Variants in TCF12 observed in about 807,000 individuals in gnomAD.
TCF12 encodes the protein DNA-binding protein HTF4.
A neutral mutation model predicts 86.0 loss-of-function variants in TCF12; 45 were observed. The ratio of observed to expected loss-of-function variants is 0.52; its 90% CI spans 0.41 to 0.67. The LOEUF is 0.67. Ranked by LOEUF, TCF12 falls within the 30% of genes least tolerant of loss-of-function variation. TCF12 has a pLI of 0.00. For missense variants in TCF12, 881 were observed against 859.9 expected (o/e 1.02, Z -0.31); for synonymous variants, 330 against 299.6 (o/e 1.10, Z -1.05).
At chr15:57,264,191 T>C (rs2060725434) in intron 18 of TCF12, among the ~76,000 whole-genome samples, 1 of 130,106 alleles carries the variant, frequency 7.7e-6, no homozygotes, top group African/African-American at 2.9e-5. Context: ...AGTTCTTTTG[T>C]AAGCTTTTTT....
Position 57,249,127 on chromosome 15 carries a change from C to A in TCF12, c.1115-2223C>A, listed in dbSNP as rs183988509. Reference sequence around the variant, plus strand: ...CAAAATCGATTATGATTAACCTGGTCACCTAAAATTCATAATTCTGCATCA... The same window carrying A: ...CAAAATCGATTATGATTAACCTGGTAACCTAAAATTCATAATTCTGCATCA... On this transcript the variant is annotated intron_variant, in intron 13 of 20. Coordinates refer to ENST00000333725, the MANE Select transcript of TCF12 (RefSeq NM_207037.2). Among the ~76,000 whole-genome samples, 179 of 152,254 alleles carry A rather than the reference C, an allele frequency of 1.2e-3. 1 individual carries two copies. Among genetic ancestry groups the A allele is most frequent in the African/African-American group, 4.1e-3 (169 of 41,558 alleles).
intron 3 of TCF12, among the ~76,000 whole-genome samples, chr15:57,049,380 C>A (rs556307376): frequency 2.0e-5 from 3 of 152,282 alleles, no homozygotes; most frequent in African/African-American, 7.2e-5. Flanking sequence ...TCCAGTCAAC[C>A]CTTACCTACT....
chr15:57,058,959 C>A (rs1447396297), intron 3 of TCF12, among the ~76,000 whole-genome samples: 1 of 152,122 alleles, frequency 6.6e-6, no homozygotes, highest in African/African-American at 2.4e-5. Flanking sequence ...AATATCCTTA[C>A]TCTACAAATA....
intron 3 of TCF12, among the ~76,000 whole-genome samples, chr15:57,001,759 G>A (rs1359572821): frequency 1.3e-5 from 2 of 152,092 alleles, no homozygotes; most frequent in Non-Finnish European, 2.9e-5. Context: ...CACATCAATA[G>A]GACATATTTT....
At chr15:57,066,755 AAACAATACT>A in intron 4 of TCF12, among the ~76,000 whole-genome samples, 1 of 152,322 alleles carries the variant, frequency 6.6e-6, no homozygotes, top group East Asian at 1.9e-4. Context: ...TATAAGGGAG[AAACAATACT>A]TTCTTTACAA....
intron 4 of TCF12, 45 bp downstream of exon 4, chr15:57,063,868 A>G (rs2141726591): frequency 6.9e-7 from 1 of 1,450,688 alleles, no homozygotes; most frequent in Non-Finnish European, 9.5e-7. Flanking sequence ...AATTTGGCAG[A>G]CTACGTAATT....
chr15:56,954,799 C>G (rs761322134), intron 3 of TCF12, among the ~76,000 whole-genome samples: 1 of 152,180 alleles, frequency 6.6e-6, no homozygotes, highest in Non-Finnish European at 1.5e-5. Context: ...ATCTGTGCAG[C>G]TAACAGACAC....
rs533489315 is a variant in TCF12, at chr15:57,116,256, A to G, written c.325+24365A>G. 2.6e-5 allele frequency among the ~76,000 whole-genome samples: 4 copies of G among 152,376 alleles called. No individual in the cohort carries two copies. The East Asian group carries it at 7.7e-4, about 29-fold the overall frequency. On this transcript the variant is annotated intron_variant, in intron 5 of 20. Transcript: ENST00000333725. ...ATACACATTTTCACAGGTAACCAAT[A>G]AACTTTAGATTCCTTATGTAGCTGA...
At chr15:57,285,190 G>A (rs1176554170) in intron 20 of TCF12, among the ~76,000 whole-genome samples, 4 of 152,194 alleles carry the variant, frequency 2.6e-5, no homozygotes, top group African/African-American at 9.6e-5. Context: ...AGAATGACTG[G>A]TTATAAACGT....
In TCF12 at chr15:57,287,829, C is replaced by T. The variant is rs1238573382; in HGVS notation, c.*1684C>T. 3 of 152,658 alleles carry T rather than the reference C, an allele frequency of 2.0e-5. No individual in the cohort carries two copies. The highest frequency in any genetic ancestry group is 4.4e-5 in the Non-Finnish European group (3 of 68,044). 9.5% of individuals were successfully genotyped at this position (152,658 alleles called of 1,614,324 possible). On this transcript the variant is annotated 3_prime_UTR_variant, in exon 21 of 21. Transcript: ENST00000333725. Reference sequence around the variant, plus strand: ...TTGGTTACTTTAATTTGCATATATTCTCCAGTTACATCGGACTCTATCTGT... The same window carrying T: ...TTGGTTACTTTAATTTGCATATATTTTCCAGTTACATCGGACTCTATCTGT...
At chr15:57,075,758 T>TTTTC (rs762262996) in intron 4 of TCF12, among the ~76,000 whole-genome samples, 947 of 91,192 alleles carry the variant, frequency 0.01, 136 homozygotes, top group Middle Eastern at 0.017. Flanking sequence ...ATGAGGTTTC[T>TTTTC]TTTCTTTCTT....
intron 3 of TCF12, among the ~76,000 whole-genome samples, chr15:56,968,111 A>C (rs1652734): frequency 6.6e-6 from 1 of 151,952 alleles, no homozygotes; most frequent in African/African-American, 2.4e-5. Flanking sequence ...CATGTGCCAC[A>C]ACGCCTGGCT....
chr15:56,930,382 G>T (rs1406806294), intron 3 of TCF12, among the ~76,000 whole-genome samples: 1 of 152,204 alleles, frequency 6.6e-6, no homozygotes, highest in African/African-American at 2.4e-5. Context: ...TGTGCCAAGG[G>T]TAAGAATCTT....
rs369297111 is a variant in TCF12, at chr15:56,927,057, A to G, written c.148+5959A>G. 1.5e-4 allele frequency among the ~76,000 whole-genome samples: 23 copies of G among 152,164 alleles called. No homozygotes were observed. In the East Asian group the frequency reaches 3.7e-3, roughly 24 times the overall value. On this transcript the variant is annotated intron_variant, in intron 3 of 20. Transcript: ENST00000333725. ...GAAGGAAAAATAACAGAAGTAAAGG[A>G]TTGTTAGAATTTGAGGGATTGGCTT...
chr15:56,936,899 A>G (rs1212528316), intron 3 of TCF12, among the ~76,000 whole-genome samples: 1 of 152,152 alleles, frequency 6.6e-6, no homozygotes, highest in African/African-American at 2.4e-5. Flanking sequence ...GTTTGAAGTC[A>G]GGTAATGTGA....
chr15:57,057,098 T>C (rs1174558513), intron 3 of TCF12, among the ~76,000 whole-genome samples: 2 of 152,228 alleles, frequency 1.3e-5, no homozygotes, highest in African/African-American at 2.4e-5. Context: ...AAATTATCTC[T>C]TGCCTGAAGT....
intron 4 of TCF12, among the ~76,000 whole-genome samples, chr15:57,089,133 C>T (rs977105088): frequency 5.3e-5 from 8 of 152,202 alleles, no homozygotes; most frequent in African/African-American, 1.7e-4. Context: ...CTTCTCCCAG[C>T]ATCAGTTTGC....
chr15:57,011,583 C>T (rs1275467340), intron 3 of TCF12, among the ~76,000 whole-genome samples: 2 of 152,112 alleles, frequency 1.3e-5, no homozygotes, highest in Non-Finnish European at 2.9e-5. Flanking sequence ...GCATCTCCAC[C>T]CTCCACAATT....
chr15:57,286,077 G>A (rs1314770936), intron 20 of TCF12, 80 bp from the exon 21 acceptor site: 2 of 152,618 alleles, frequency 1.3e-5, no homozygotes, highest in Non-Finnish European at 2.9e-5. Flanking sequence ...TTTTTTGTTG[G>A]TGGGAGGGGG....
Sources: allele counts gnomAD v4.1 joint callset (sites outside exome capture counted in the v4.1 genomes callset), GRCh38; gene constraint gnomAD v4.1.1; transcripts MANE v1.5; gene names NCBI Gene and HGNC (gene_info 2026-07-23, HGNC 2026-07-21).